SSX5: variants seen among roughly 807,000 people sequenced by gnomAD.
The protein encoded by SSX5 is protein SSX5.
Under a neutral mutation model 14.9 loss-of-function variants are expected in SSX5, and 14 were observed. The observed-to-expected ratio is 0.94, with a 90% CI of 0.62 to 1.47. SSX5 has a LOEUF of 1.47. Ranked by LOEUF, SSX5 falls within the 40% of genes most tolerant of loss-of-function variation. SSX5 has a pLI of 0.00. For synonymous variants in SSX5, 70 were observed against 55.4 expected, an observed-to-expected ratio of 1.26 and a Z score of -1.17; for missense variants, 204 against 154.6, an observed-to-expected ratio of 1.32 and a Z score of -1.70.
chrX:48,193,186 A>C (rs2059426682), intron 4 of SSX5, among the ~76,000 whole-genome samples: 1 of 111,495 alleles, frequency 9.0e-6, no homozygotes, highest in South Asian at 3.7e-4. Flanking sequence ...TAAGATAGTT[A>C]TTCAAACCCA....
In SSX5 at chrX:48,190,259, CG is replaced by C; in HGVS notation, c.339del (p.Glu114ArgfsTer32). The C allele has an allele frequency of 8.3e-7, 1 of 1,199,472 alleles. No individual in the cohort carries two copies. The highest frequency in any genetic ancestry group is 1.1e-6 in the Non-Finnish European group (1 of 890,738). On this transcript the variant is annotated frameshift_variant, in exon 6 of 8. Coordinates refer to ENST00000347757, the MANE Select transcript of SSX5 (RefSeq NM_175723.2). LOFTEE classifies it high-confidence loss of function. ...RLQGIFPKIT[P>X]EKPAEEGNDS... ...TCATTTCCTTCCTCTGCTGGCTTCT[CG>C]GGCGTGATCTTTATAATGTGAAGGT...
intron 6 of SSX5, among the ~76,000 whole-genome samples, chrX:48,187,993 C>CACTT (rs1159585732): frequency 8.9e-6 from 1 of 112,233 alleles, no homozygotes; most frequent in African/African-American, 3.2e-5. Context: ...CCAACCTCTT[C>CACTT]ACTTACGGGA....
At chrX:48,188,402 C>T (rs1206648847) in intron 6 of SSX5, among the ~76,000 whole-genome samples, 1 of 112,206 alleles carries the variant, frequency 8.9e-6, no homozygotes, top group Non-Finnish European at 1.9e-5. Context: ...TCCATTTACA[C>T]TCTTTTAGTT....
intron 6 of SSX5, 107 bp from the exon 7 acceptor site, chrX:48,187,838 AC>A: frequency 1.0e-6 from 1 of 985,448 alleles, no homozygotes; most frequent in Admixed American, 2.4e-5. Context: ...ATGCCTCCCC[AC>A]CACCAAGTGC....
chrX:48,193,642 T>C (rs1211801528), intron 4 of SSX5, among the ~76,000 whole-genome samples: 1 of 110,795 alleles, frequency 9.0e-6, no homozygotes, highest in Non-Finnish European at 1.9e-5. Flanking sequence ...CCAGCTACTC[T>C]GGAGGCTGAG....
rs61004107 is a variant in SSX5 at position 48,186,365 on chromosome X, GGTGT to G, written c.*492_*495del. On this transcript the variant is annotated 3_prime_UTR_variant, in exon 8 of 8. Coordinates refer to ENST00000347757, the MANE Select transcript of SSX5 (RefSeq NM_175723.2). ...TTGGGAGATGCCTATACTGGTACTT[GGTGT>G]GTGTGTGTGTGTGTGTGTGTGTGTG... 0.12 allele frequency: 14,167 copies of G among 120,923 alleles called. 489 individuals carry two copies. Among genetic ancestry groups the G allele is most frequent in the African/African-American group, 0.18 (4,383 of 24,745 alleles). 10.0% of individuals were successfully genotyped at this position (120,923 alleles called of 1,213,427 possible). A position where few individuals can be genotyped will look rare whatever the true frequency, so the allele number is the denominator to read the frequency against.
At chrX:48,187,987 C>T (rs1412388198) in intron 6 of SSX5, among the ~76,000 whole-genome samples, 1 of 112,325 alleles carries the variant, frequency 8.9e-6, no homozygotes, top group African/African-American at 3.2e-5. Flanking sequence ...AGATTCCCAA[C>T]CTCTTCACTT....
At chrX:48,190,306 G>A in intron 5 of SSX5, 38 bp from the exon 6 acceptor site, 3 of 1,161,522 alleles carry the variant, frequency 2.6e-6, no homozygotes, top group Non-Finnish European at 3.4e-6. Flanking sequence ...CAGTATCAGT[G>A]ACATTTCTTT....
chrX:48,188,550 G>A lies in SSX5; in HGVS notation c.467-819C>T, dbSNP rs148202946. On this transcript the variant is annotated intron_variant, in intron 6 of 7. Coordinates refer to ENST00000347757, the MANE Select transcript of SSX5 (RefSeq NM_175723.2). Reference sequence around the variant, plus strand: ...TTGTGTGTGTTCTGACTGCTCCACCGATGAGCTCTTCCCTGCCTCTCTTCC... The same window carrying A: ...TTGTGTGTGTTCTGACTGCTCCACCAATGAGCTCTTCCCTGCCTCTCTTCC... Among the ~76,000 whole-genome samples, 947 of 112,331 alleles carry A rather than the reference G, an allele frequency of 8.4e-3. 6 individuals are homozygous for A. Among genetic ancestry groups the A allele is most frequent in the Non-Finnish European group, 0.014 (757 of 53,317 alleles).
Position 48,186,405 on chromosome X carries a change from C to CAT in SSX5, c.*455_*456insAT, listed in dbSNP as rs2059397039. On this transcript the variant is annotated 3_prime_UTR_variant, in exon 8 of 8. Transcript: ENST00000347757. ...GTGTGTGTGTGTGTGTGTGTGTGTG[C>CAT]GCGCGCGCGCGCATGTGTGTCTGTG... 4.3e-6 allele frequency: 1 copy of CAT among 233,672 alleles called. No homozygotes were observed. Among genetic ancestry groups the CAT allele is most frequent in the South Asian group, 5.3e-5 (1 of 18,886 alleles). The allele number at this position is 233,672 out of a possible 1,213,427, so 19.3% of individuals were successfully genotyped here.
chrX:48,192,319 A>G, intron 4 of SSX5, 38 bp from the exon 5 acceptor site: 1 of 1,206,479 alleles, frequency 8.3e-7, no homozygotes, highest in Non-Finnish European at 1.1e-6. Context: ...TTTGTTGGTA[A>G]AGATTTCCAA....
Position 48,186,870 on chromosome X carries a change from C to A in SSX5, c.*5-14G>T, listed in dbSNP as rs149280282. The A allele has an allele frequency of 7.0e-4, 832 of 1,195,969 alleles. 1 individual carries two copies. In the African/African-American group the frequency reaches 7.0e-3, roughly 10 times the overall value. On this transcript the variant is annotated splice_polypyrimidine_tract_variant and intron_variant, in intron 7 of 7. Transcript: ENST00000347757. ...ATATCCCCGAGGCTGAGGCAAGAAG[C>A]GAGAAGGAAAGTAAGTGGCAGTGAG...
At position 48,195,710 on chromosome X, in the gene SSX5, G is replaced by A. The variant is rs188352183; in HGVS notation, c.-20-332C>T. 1.3e-4 allele frequency among the ~76,000 whole-genome samples: 15 copies of A among 111,259 alleles called. No individual in the cohort carries two copies. In the East Asian group the frequency reaches 4.2e-3, roughly 31 times the overall value. ...TACAGACCCTTGTTGGGAAGGCAGA[G>A]ATGTGACTGTGTAATTTTATTCAGT... is the stretch of plus-strand genomic sequence containing the variant. On this transcript the variant is annotated intron_variant, in intron 1 of 7. Transcript: ENST00000347757.
chrX:48,193,616 G>C (rs1556925204), intron 4 of SSX5, among the ~76,000 whole-genome samples: 1 of 110,772 alleles, frequency 9.0e-6, no homozygotes, highest in Non-Finnish European at 1.9e-5. Flanking sequence ...GGGCGTTTGG[G>C]TGGGCGCCTG....
chrX:48,186,993 G>A lies in SSX5; in HGVS notation c.*5-137C>T, dbSNP rs143052306. The A allele has an allele frequency of 5.1e-4, 394 of 769,793 alleles. No homozygotes were observed. The African/African-American group carries it at 7.1e-3, about 14-fold the overall frequency. The allele number at this position is 769,793 out of a possible 1,213,427, so 63.4% of individuals were successfully genotyped here. ...CTCAGGACCTGTACACGCCTTCCAT[G>A]GTTCCTTGAAGTGAACCATCTGCTC... On this transcript the variant is annotated intron_variant, in intron 7 of 7. Transcript: ENST00000347757.
intron 3 of SSX5, 74 bp downstream of exon 3, chrX:48,194,666 C>T: frequency 9.2e-7 from 1 of 1,090,163 alleles, no homozygotes; most frequent in Admixed American, 2.8e-5. Context: ...TTTCTGCAGC[C>T]TAAGAAATAG....
intron 5 of SSX5, 101 bp downstream of exon 5, chrX:48,192,131 G>A: frequency 8.6e-7 from 1 of 1,159,434 alleles, no homozygotes; most frequent in Non-Finnish European, 1.2e-6. Context: ...ATAGGGAGAA[G>A]AAGGCAGTGA....
intron 1 of SSX5, among the ~76,000 whole-genome samples, chrX:48,196,377 GTT>G (rs782199815): frequency 3.1e-5 from 3 of 97,170 alleles, no homozygotes; most frequent in Admixed American, 1.1e-4. Flanking sequence ...ATTTGAGTGA[GTT>G]TTTTTTTTTT....
intron 6 of SSX5, among the ~76,000 whole-genome samples, chrX:48,189,369 C>A (rs148521078): frequency 2.1e-3 from 208 of 97,769 alleles, no homozygotes; most frequent in African/African-American, 7.1e-3. Context: ...CATTCATGAA[C>A]GGAAGAGCTA....
Sources: gnomAD v4.1 joint callset for allele counts (sites outside exome capture counted in the v4.1 genomes callset) on GRCh38, gnomAD v4.1.1 for gene constraint, MANE v1.5 for transcripts, NCBI Gene and HGNC (gene_info 2026-07-23, HGNC 2026-07-21) for gene names.